The following FARP2 variants were observed in gnomAD, a reference collection of about 807,000 sequenced individuals.
FARP2 encodes FERM, ARHGEF and pleckstrin domain-containing protein 2.
FARP2 carries 111 observed loss-of-function variants against 130.5 expected under a neutral mutation model. That is an observed-to-expected ratio of 0.85 (90% CI 0.73 to 1.00). FARP2 has a LOEUF of 1.00. Ranked by LOEUF, FARP2 falls within the 50% of genes least tolerant of loss-of-function variation. FARP2 has a pLI of 0.00. For missense variants in FARP2, 1,385 were observed against 1,346.3 expected, an observed-to-expected ratio of 1.03 and a Z score of -0.45; for synonymous variants, 504 against 516.9, an observed-to-expected ratio of 0.98 and a Z score of 0.34.
chr2:241,460,455 T>G (rs2063984343), intron 14 of FARP2, among the ~76,000 whole-genome samples: 1 of 151,728 alleles, frequency 6.6e-6, no homozygotes, highest in Non-Finnish European at 1.5e-5. Context: ...ACCTTTTTTT[T>G]TTTTAAGAGA....
chr2:241,437,385 T>C (rs1393174406), intron 12 of FARP2, among the ~76,000 whole-genome samples: 1 of 152,224 alleles, frequency 6.6e-6, no homozygotes, highest in Non-Finnish European at 1.5e-5. Flanking sequence ...GTTTCAGGTC[T>C]ACTTCACTAC....
chr2:241,374,834 G>A (rs889325610), intron 2 of FARP2, among the ~76,000 whole-genome samples: 1 of 152,240 alleles, frequency 6.6e-6, no homozygotes, highest in Non-Finnish European at 1.5e-5. Context: ...AAGGAGGTCT[G>A]AAGCTGGGCA....
intron 21 of FARP2, 135 bp from the exon 22 acceptor site, chr2:241,489,827 G>C (rs766615753): frequency 3.0e-5 from 19 of 628,504 alleles, no homozygotes; most frequent in Non-Finnish European, 5.2e-5. Flanking sequence ...CTCTTGTAGA[G>C]TCTGTGTGCA....
intron 2 of FARP2, among the ~76,000 whole-genome samples, chr2:241,401,605 C>T (rs899320787): frequency 7.2e-5 from 11 of 152,050 alleles, no homozygotes; most frequent in African/African-American, 2.4e-4. Context: ...TCAAGCAATC[C>T]TCCTCCCTCA....
In FARP2 at chr2:241,441,385, C is replaced by T. The variant is rs2302014; in HGVS notation, c.1240C>T (p.Leu414=). The T allele has an allele frequency of 1.8e-4, 285 of 1,614,132 alleles. No individual in the cohort carries two copies. The highest frequency in any genetic ancestry group is 4.9e-4 in the Middle Eastern group (3 of 6,084). The change falls in exon 13 of 27, where the codon CTG becomes TTG. Residue 414 remains leucine (L), a synonymous_variant. Coordinates refer to ENST00000264042, the MANE Select transcript of FARP2 (RefSeq NM_014808.4). The stretch of plus-strand genomic sequence containing the variant: ...CTTTTACTCGCTCTCTCCCTCCACT[C>T]TGGTCCCCTCTGGCCTGCCAGAGTT... ...NAFYSLSPST[L]VPSGLPEFKD...
chr2:241,492,902 G>A, intron 24 of FARP2, 27 bp from the exon 25 acceptor site: 1 of 1,350,268 alleles, frequency 7.4e-7, no homozygotes, highest in Non-Finnish European at 1.1e-6. Context: ...GCTGGTTAAT[G>A]CACCTGCATT....
intron 13 of FARP2, 45 bp from the exon 14 acceptor site, chr2:241,456,702 C>T: frequency 1.2e-6 from 2 of 1,601,616 alleles, no homozygotes; most frequent in African/African-American, 1.3e-5. Flanking sequence ...AGCCTCACAG[C>T]CCTTTCTCAT....
intron 12 of FARP2, 105 bp from the exon 13 acceptor site, chr2:241,441,199 A>T: frequency 1.0e-6 from 1 of 997,202 alleles, no homozygotes; most frequent in Non-Finnish European, 1.5e-6. Context: ...GAAAGCTGTG[A>T]TAGAAATGTG....
chr2:241,389,099 G>C (rs2061851234), intron 2 of FARP2, among the ~76,000 whole-genome samples: 1 of 152,020 alleles, frequency 6.6e-6, no homozygotes, highest in Admixed American at 6.6e-5. Flanking sequence ...TGGCCAACAT[G>C]GTAAAGCCTC....
chr2:241,393,475 T>G (rs2061958285), intron 2 of FARP2, among the ~76,000 whole-genome samples: 1 of 152,188 alleles, frequency 6.6e-6, no homozygotes. Context: ...CAGTTTCCTT[T>G]TGAGCGCTCA....
chr2:241,393,428 A>G (rs972571138), intron 2 of FARP2, among the ~76,000 whole-genome samples: 2 of 152,194 alleles, frequency 1.3e-5, no homozygotes, highest in Non-Finnish European at 2.9e-5. Flanking sequence ...TGAAATGCCT[A>G]TCAAAAATGT....
intron 2 of FARP2, among the ~76,000 whole-genome samples, chr2:241,402,157 C>CT (rs1448467050): frequency 1.3e-5 from 2 of 152,128 alleles, no homozygotes; most frequent in African/African-American, 4.8e-5. Context: ...ATGAAAGTAT[C>CT]TGTAGGAAAA....
Position 241,395,080 on chromosome 2 carries a change from G to A in FARP2, c.184-8748G>A, listed in dbSNP as rs190288962. ...ATAAAACCCATTCAGGGTAAGAGTTGTGTTGTTCTTCAATTGAGGAAGCCG... is the reference window on the plus strand; with the variant it reads ...ATAAAACCCATTCAGGGTAAGAGTTATGTTGTTCTTCAATTGAGGAAGCCG... On this transcript the variant is annotated intron_variant, in intron 2 of 26. Coordinates refer to ENST00000264042, the MANE Select transcript of FARP2 (RefSeq NM_014808.4). 2.6e-5 allele frequency among the ~76,000 whole-genome samples: 4 copies of A among 152,314 alleles called. No homozygotes were observed. In the East Asian group the frequency reaches 7.7e-4, roughly 29 times the overall value.
rs758991450 is a variant in FARP2, at chr2:241,441,532, C to A, written c.1387C>A (p.Pro463Thr). Reference protein sequence around the residue: ...PDTPSAQPLGPPALQPGPGLS... With the variant: ...PDTPSAQPLGTPALQPGPGLS... ...CACACCATCGGCCCAGCCCCTCGGG[C>A]CCCCCGCACTCCAGCCTGGTCCAGG... The change falls in exon 13 of 27, where the codon CCC becomes ACC. Residue 463 changes from proline to threonine, a missense_variant. By Grantham distance (38) the Pro-to-Thr change is conservative. Coordinates refer to ENST00000264042, the MANE Select transcript of FARP2 (RefSeq NM_014808.4). 1.2e-6 allele frequency: 2 copies of A among 1,614,014 alleles called. No individual in the cohort carries two copies. The highest frequency in any genetic ancestry group is 1.7e-5 in the Admixed American group (1 of 60,028).
intron 8 of FARP2, among the ~76,000 whole-genome samples, chr2:241,419,246 A>G (rs1473021051): frequency 6.6e-6 from 1 of 152,214 alleles, no homozygotes; most frequent in Non-Finnish European, 1.5e-5. Context: ...AGAGAGCAAT[A>G]AAAATCCATG....
At chr2:241,381,763 T>A (rs1040032923) in intron 2 of FARP2, among the ~76,000 whole-genome samples, 7 of 152,238 alleles carry the variant, frequency 4.6e-5, no homozygotes, top group Admixed American at 3.9e-4. Context: ...GTGTTACATG[T>A]ATATTTTTCA....
chr2:241,373,620 G>C (rs551773992), intron 2 of FARP2, among the ~76,000 whole-genome samples: 1 of 152,304 alleles, frequency 6.6e-6, no homozygotes, highest in Non-Finnish European at 1.5e-5. Context: ...TGGTCTCAGC[G>C]AGGCCCAGGC....
At chr2:241,492,487 A>G (rs574353184) in intron 24 of FARP2, among the ~76,000 whole-genome samples, 3 of 152,332 alleles carry the variant, frequency 2.0e-5, no homozygotes, top group Non-Finnish European at 2.9e-5. Context: ...CGCCAAAGCC[A>G]TGCCTAATCC....
intron 17 of FARP2, chr2:241,465,318 C>T (rs2064140306): frequency 2.9e-6 from 2 of 691,418 alleles, no homozygotes; most frequent in Admixed American, 4.7e-5. Flanking sequence ...GAGTCTTCCT[C>T]AGAACATCAT....
Sources: allele counts gnomAD v4.1 joint callset (sites outside exome capture counted in the v4.1 genomes callset), GRCh38; gene constraint gnomAD v4.1.1; transcripts MANE v1.5; gene names NCBI Gene and HGNC (gene_info 2026-07-23, HGNC 2026-07-21).